The following PLXDC2 variants were observed in gnomAD, a reference collection of about 807,000 sequenced individuals.
PLXDC2 encodes the protein plexin domain-containing protein 2.
Under a neutral mutation model 68.9 loss-of-function variants are expected in PLXDC2, and 40 were observed. The observed-to-expected ratio is 0.58, with a 90% confidence interval of 0.45 to 0.76. The LOEUF (loss-of-function observed/expected upper bound fraction) is 0.76, where lower values mean the gene tolerates loss of function less well. Ranked by LOEUF, PLXDC2 falls within the 30% of genes least tolerant of loss-of-function variation. The pLI is 0.00. For synonymous variants in PLXDC2, 243 were observed against 234.2 expected (o/e 1.04, Z -0.34); for missense variants, 644 against 661.9 (o/e 0.97, Z 0.30).
chr10:19,896,974 C>G (rs919827460), intron 1 of PLXDC2, among the ~76,000 whole-genome samples: 1 of 152,156 alleles, frequency 6.6e-6, no homozygotes, highest in African/African-American at 2.4e-5. Context: ...TATTGTCTTA[C>G]TCCCTATTAA....
chr10:19,858,751 A>C (rs10764170), intron 1 of PLXDC2, among the ~76,000 whole-genome samples: 48,550 of 151,960 alleles, frequency 0.32, 7,873 homozygotes, highest in East Asian at 0.55. Context: ...GGGAGGTAAA[A>C]GGTTTCATAA....
At chr10:20,086,521 G>T (rs1458043134) in intron 4 of PLXDC2, among the ~76,000 whole-genome samples, 1 of 151,750 alleles carries the variant, frequency 6.6e-6, no homozygotes, top group Non-Finnish European at 1.5e-5. Context: ...GGAAATAAGG[G>T]CATTTTGCAT....
At chr10:20,134,593 G>A (rs191617384) in intron 4 of PLXDC2, among the ~76,000 whole-genome samples, 1 of 152,270 alleles carries the variant, frequency 6.6e-6, no homozygotes, top group African/African-American at 2.4e-5. Context: ...TGCATGACAG[G>A]CATGGATCCT....
chr10:20,200,286 A>G (rs547275401), intron 9 of PLXDC2, among the ~76,000 whole-genome samples: 6 of 152,200 alleles, frequency 3.9e-5, no homozygotes, highest in African/African-American at 1.4e-4. Flanking sequence ...GTGATTGTAC[A>G]GTTTAAAAAT....
intron 9 of PLXDC2, among the ~76,000 whole-genome samples, chr10:20,206,479 T>C (rs1834993981): frequency 6.6e-6 from 1 of 151,994 alleles, no homozygotes. Context: ...CAGCCGTATG[T>C]AATAGTGTGT....
At chr10:20,025,654 C>CT (rs970843114) in intron 2 of PLXDC2, among the ~76,000 whole-genome samples, 5 of 151,934 alleles carry the variant, frequency 3.3e-5, no homozygotes, top group African/African-American at 9.6e-5. Context: ...TGGTGATAAT[C>CT]TTTTTTTTAT....
intron 4 of PLXDC2, among the ~76,000 whole-genome samples, chr10:20,110,296 A>C (rs1337400131): frequency 6.6e-6 from 1 of 152,106 alleles, no homozygotes; most frequent in Non-Finnish European, 1.5e-5. Flanking sequence ...TCCTGGAGAG[A>C]AGACAGGATA....
intron 9 of PLXDC2, among the ~76,000 whole-genome samples, chr10:20,187,683 C>G (rs1834704889): frequency 6.6e-6 from 1 of 151,818 alleles, no homozygotes; most frequent in Non-Finnish European, 1.5e-5. Flanking sequence ...AAAACATCAT[C>G]AAAATCTTAA....
intron 1 of PLXDC2, among the ~76,000 whole-genome samples, chr10:19,898,539 G>A (rs922288349): frequency 3.3e-5 from 5 of 152,052 alleles, no homozygotes; most frequent in African/African-American, 1.2e-4. Context: ...CTAGTCTGGT[G>A]AGCCTAGCTG....
At chr10:20,202,196 A>G (rs1834929799) in intron 9 of PLXDC2, among the ~76,000 whole-genome samples, 1 of 152,208 alleles carries the variant, frequency 6.6e-6, no homozygotes, top group Admixed American at 6.6e-5. Flanking sequence ...GGAACAAGAA[A>G]AAAAGGAATC....
At chr10:19,994,743 G>T (rs1313007593) in intron 1 of PLXDC2, among the ~76,000 whole-genome samples, 1 of 150,180 alleles carries the variant, frequency 6.7e-6, no homozygotes, top group Non-Finnish European at 1.5e-5. Context: ...TTCATTTATT[G>T]ATTTTTTTTT....
intron 2 of PLXDC2, among the ~76,000 whole-genome samples, chr10:20,025,311 T>C (rs1370912070): frequency 6.6e-6 from 1 of 151,750 alleles, no homozygotes; most frequent in East Asian, 1.9e-4. Context: ...TTGCCCAGGC[T>C]AGAGTGCAGT....
chr10:19,917,967 C>T (rs1405374293), intron 1 of PLXDC2, among the ~76,000 whole-genome samples: 1 of 152,164 alleles, frequency 6.6e-6, no homozygotes, highest in Non-Finnish European at 1.5e-5. Flanking sequence ...AAAGAACCCA[C>T]TGTATTTCTC....
chr10:19,860,107 G>C (rs1837291095), intron 1 of PLXDC2, among the ~76,000 whole-genome samples: 1 of 151,974 alleles, frequency 6.6e-6, no homozygotes, highest in African/African-American at 2.4e-5. Context: ...CTTATCTGAG[G>C]GTGAGTATAA....
At chr10:20,025,556 C>T (rs1835385968) in intron 2 of PLXDC2, among the ~76,000 whole-genome samples, 1 of 152,144 alleles carries the variant, frequency 6.6e-6, no homozygotes, top group South Asian at 2.1e-4. Flanking sequence ...GCCACAGCAC[C>T]CAGCCTCGAC....
chr10:20,175,387 C>T (rs1834512534), intron 7 of PLXDC2, among the ~76,000 whole-genome samples: 1 of 152,274 alleles, frequency 6.6e-6, no homozygotes, highest in South Asian at 2.1e-4. Flanking sequence ...TTCCAGAGCA[C>T]ATTATTAACC....
chr10:20,009,398 T>A (rs1241407571), intron 2 of PLXDC2, among the ~76,000 whole-genome samples: 2 of 152,098 alleles, frequency 1.3e-5, no homozygotes, highest in East Asian at 3.9e-4. Flanking sequence ...TATTTCCTTT[T>A]GGGGGGATCT....
chr10:19,973,022 A>G (rs1386638399), intron 1 of PLXDC2, among the ~76,000 whole-genome samples: 1 of 152,152 alleles, frequency 6.6e-6, no homozygotes, highest in Non-Finnish European at 1.5e-5. Flanking sequence ...AAGCAATACA[A>G]TAATTCTTTC....
chr10:20,097,648 T>A (rs777657021), intron 4 of PLXDC2, among the ~76,000 whole-genome samples: 1 of 152,094 alleles, frequency 6.6e-6, no homozygotes, highest in Non-Finnish European at 1.5e-5. Context: ...ATCAACAACT[T>A]ATACTGTACA....
Sources: gnomAD v4.1 joint callset for allele counts (sites outside exome capture counted in the v4.1 genomes callset) on GRCh38, gnomAD v4.1.1 for gene constraint, MANE v1.5 for transcripts, NCBI Gene and HGNC (gene_info 2026-07-23, HGNC 2026-07-21) for gene names.